The following ARID1B variants were observed in gnomAD, a reference collection of about 807,000 sequenced individuals.
ARID1B encodes AT-rich interaction domain 1B, also known as AT-rich interactive domain-containing protein 1B.
ARID1B carries 30 observed loss-of-function variants against 212.3 expected under a neutral mutation model. The observed-to-expected ratio is 0.14, with a 90% CI of 0.11 to 0.19. The LOEUF is 0.19. Ranked by LOEUF, ARID1B falls within the 10% of genes least tolerant of loss-of-function variation. The probability of loss-of-function intolerance (pLI) is 1.00; values close to 1 mark genes in which losing one functional copy is unlikely to be tolerated. For synonymous variants in ARID1B, 1,402 were observed against 1,301.7 expected, an observed-to-expected ratio of 1.08 and a Z score of -1.66; for missense variants, 2,891 against 3,204.0, an observed-to-expected ratio of 0.90 and a Z score of 2.36.
intron 4 of ARID1B, among the ~76,000 whole-genome samples, chr6:156,964,500 A>G (rs1167131948): frequency 6.6e-6 from 1 of 152,230 alleles, no homozygotes; most frequent in Non-Finnish European, 1.5e-5. Flanking sequence ...TATTCTATGT[A>G]GGGAAAATCA....
intron 13 of ARID1B, 163 bp downstream of exon 13, chr6:157,184,598 A>G (rs1219686706): frequency 1.3e-6 from 1 of 775,332 alleles, no homozygotes; most frequent in Non-Finnish European, 2.1e-6. Flanking sequence ...GCCCACTGGC[A>G]GTGTTAAGGG....
intron 2 of ARID1B, among the ~76,000 whole-genome samples, chr6:156,840,553 G>C (rs1203114932): frequency 6.6e-6 from 1 of 152,206 alleles, no homozygotes; most frequent in East Asian, 1.9e-4. Context: ...ATGCAAAAAT[G>C]TCTGTGTGCT....
intron 4 of ARID1B, among the ~76,000 whole-genome samples, chr6:157,063,915 T>C (rs1783509917): frequency 6.6e-6 from 1 of 152,246 alleles, no homozygotes; most frequent in Non-Finnish European, 1.5e-5. Context: ...CCATCTCAGA[T>C]GAAGACTCAT....
At chr6:157,151,981 T>C (rs1790232189) in intron 8 of ARID1B, 1 of 152,246 alleles carries the variant, frequency 6.6e-6, no homozygotes, top group African/African-American at 2.4e-5. Context: ...TAGAATCCTG[T>C]AAACATCATC....
chr6:157,208,558 C>T lies in ARID1B; in HGVS notation c.*667C>T, dbSNP rs1022201277. 2 of 233,020 alleles carry T rather than the reference C, an allele frequency of 8.6e-6. No homozygotes were observed. Among genetic ancestry groups the T allele is most frequent in the Non-Finnish European group, 1.7e-5 (2 of 117,748 alleles). 14.4% of individuals were successfully genotyped at this position (233,020 alleles called of 1,614,324 possible). On this transcript the variant is annotated 3_prime_UTR_variant, in exon 20 of 20. Transcript: ENST00000636930. ...ACCTGACAACGATCCGGAAACTGCT[C>T]CTCACCACTCCCGTCATGCCTGCTG...
At chr6:157,050,820 A>G (rs1406554561) in intron 4 of ARID1B, among the ~76,000 whole-genome samples, 2 of 152,252 alleles carry the variant, frequency 1.3e-5, no homozygotes, top group Non-Finnish European at 2.9e-5. Context: ...ATGTGCAAAC[A>G]TCGCAGGCAC....
rs141875347 is a variant in ARID1B at position 157,203,799 on chromosome 6, C to A, written c.5264-67C>A. 8.3e-6 allele frequency: 13 copies of A among 1,567,742 alleles called. No individual in the cohort carries two copies. In the Admixed American group the frequency reaches 1.7e-4, roughly 21 times the overall value. ...CTCCACTTATTTTTTCTTACTCTTTCGTTAACTTTCGTTCTTTCATGCATA... is the reference window on the plus strand; with the variant it reads ...CTCCACTTATTTTTTCTTACTCTTTAGTTAACTTTCGTTCTTTCATGCATA... On this transcript the variant is annotated intron_variant, in intron 18 of 19. Transcript: ENST00000636930. This position sits in a 1 kb window ranked among gnomAD's most constrained non-coding sequence, Gnocchi z 4.4.
In ARID1B at chr6:157,025,986, A is replaced by G. The variant is rs143919599; in HGVS notation, c.2248-58676A>G. ...GTTGCCCAGGTTGGCGTGCAGTGGC[A>G]CAATTTCGGCTCACTGCAGCCTCCG... On this transcript the variant is annotated intron_variant, in intron 4 of 19. Transcript: ENST00000636930. Among the ~76,000 whole-genome samples the G allele has an allele frequency of 7.0e-3, 1,059 of 151,426 alleles. 12 individuals carry two copies. The highest frequency in any genetic ancestry group is 0.024 in the African/African-American group (1,000 of 41,154).
intron 1 of ARID1B, among the ~76,000 whole-genome samples, chr6:156,802,178 G>A (rs917026176): frequency 2.6e-5 from 4 of 152,210 alleles, no homozygotes; most frequent in African/African-American, 7.2e-5. Context: ...TTCTGAAAGT[G>A]TTAGATTATA....
intron 4 of ARID1B, among the ~76,000 whole-genome samples, chr6:156,983,054 A>G (rs1188047385): frequency 6.8e-6 from 1 of 147,830 alleles, no homozygotes; most frequent in Non-Finnish European, 1.5e-5. Context: ...GAGATTGCAC[A>G]ACTGCACTCC....
At chr6:156,966,399 T>C (rs112809091) in intron 4 of ARID1B, among the ~76,000 whole-genome samples, 5 of 142,744 alleles carry the variant, frequency 3.5e-5, no homozygotes, top group African/African-American at 1.1e-4. Context: ...TTTTTTTTTT[T>C]TTTTTTTTTT....
chr6:157,181,275 A>G, intron 12 of ARID1B, 97 bp downstream of exon 12: 1 of 1,439,030 alleles, frequency 6.9e-7, no homozygotes, highest in Non-Finnish European at 9.5e-7. Flanking sequence ...TTTTTCTCAC[A>G]AAGGAAAAGC....
chr6:157,129,923 C>G (rs1788419894), intron 6 of ARID1B, among the ~76,000 whole-genome samples: 1 of 152,198 alleles, frequency 6.6e-6, no homozygotes, highest in South Asian at 2.1e-4. Flanking sequence ...TATCCCAGCA[C>G]TGTGGGAGGC....
In ARID1B at chr6:157,206,020, T is replaced by G. The variant is rs1461989025; in HGVS notation, c.5395-147T>G. On this transcript the variant is annotated intron_variant, in intron 19 of 19. Transcript: ENST00000636930. This position sits in a 1 kb window ranked among gnomAD's most constrained non-coding sequence, Gnocchi z 6.8. ...CGCTGGACCTGAAGGGTAGTTTATC[T>G]TTCATGGTCCAGCCAAAAAGGGAGA... 1.1e-6 allele frequency: 1 copy of G among 910,040 alleles called. No homozygotes were observed. Among genetic ancestry groups the G allele is most frequent in the Admixed American group, 2.3e-5 (1 of 43,680 alleles). The allele number at this position is 910,040 out of a possible 1,614,324, so 56.4% of individuals were successfully genotyped here.
chr6:156,979,799 G>A (rs1388247080), intron 4 of ARID1B, among the ~76,000 whole-genome samples: 3 of 152,074 alleles, frequency 2.0e-5, no homozygotes, highest in Non-Finnish European at 2.9e-5. Flanking sequence ...CTCTTGATCC[G>A]CCCACCTCGG....
At chr6:156,873,337 A>T (rs1786296387) in intron 2 of ARID1B, among the ~76,000 whole-genome samples, 1 of 152,246 alleles carries the variant, frequency 6.6e-6, no homozygotes, top group African/African-American at 2.4e-5. Context: ...AATTGTGTTC[A>T]ACTGAAGATT....
At chr6:157,065,399 G>T (rs1419801260) in intron 4 of ARID1B, among the ~76,000 whole-genome samples, 1 of 152,180 alleles carries the variant, frequency 6.6e-6, no homozygotes, top group Non-Finnish European at 1.5e-5. Flanking sequence ...TAATATAAAT[G>T]ATGATGATAT....
intron 1 of ARID1B, among the ~76,000 whole-genome samples, chr6:156,822,362 C>T (rs1031780437): frequency 2.0e-4 from 31 of 152,312 alleles, no homozygotes; most frequent in African/African-American, 7.0e-4. Context: ...GCATGTTATC[C>T]TCCTTCAGTC....
chr6:156,847,072 G>A (rs1324702121), intron 2 of ARID1B, among the ~76,000 whole-genome samples: 1 of 151,958 alleles, frequency 6.6e-6, no homozygotes. Flanking sequence ...TCATTTTAAT[G>A]GGGTCCCATG....
Sources: gnomAD v4.1 joint callset for allele counts (sites outside exome capture counted in the v4.1 genomes callset) on GRCh38, gnomAD v4.1.1 for gene constraint, Gnocchi (gnomAD v3.1) non-coding constraint, MANE v1.5 for transcripts, NCBI Gene and HGNC (gene_info 2026-07-23, HGNC 2026-07-21) for gene names.